The following KDM4B variants were observed in gnomAD, a reference collection of about 807,000 sequenced individuals.
The protein encoded by KDM4B is lysine-specific demethylase 4B.
A neutral mutation model predicts 125.2 loss-of-function variants in KDM4B; 32 were observed. The observed-to-expected ratio is 0.26, with a 90% CI of 0.19 to 0.34. The LOEUF is 0.34. Among genes scored for constraint, KDM4B ranks in the 10% least tolerant of loss-of-function variants. The pLI is 1.00. For synonymous variants in KDM4B, 721 were observed against 677.9 expected (o/e 1.06, Z -0.99); for missense variants, 1,190 against 1,577.7 (o/e 0.75, Z 4.16).
intron 1 of KDM4B, among the ~76,000 whole-genome samples, chr19:5,004,624 T>C (rs2035499692): frequency 1.3e-5 from 2 of 152,200 alleles, no homozygotes; most frequent in Admixed American, 1.3e-4. Context: ...CAGTTTCATG[T>C]AGTTGAGAAC....
intron 1 of KDM4B, among the ~76,000 whole-genome samples, chr19:4,973,032 C>A (rs2034315279): frequency 6.6e-6 from 1 of 152,178 alleles, no homozygotes; most frequent in Non-Finnish European, 1.5e-5. Flanking sequence ...AGGGGTGGCA[C>A]TTCCACACCC....
chr19:5,088,754 C>T (rs1337706129), intron 9 of KDM4B, among the ~76,000 whole-genome samples: 1 of 148,048 alleles, frequency 6.8e-6, no homozygotes, highest in Non-Finnish European at 1.5e-5. Flanking sequence ...AGGAGCAGGA[C>T]GCCCCTGCCA....
Position 4,997,369 on chromosome 19 carries a change from C to T in KDM4B, c.-108-18888C>T, listed in dbSNP as rs561023935. ...TTCCCCCGCCCTAGGAGTCCAGGAG[C>T]GTCGGCCCCTGGCTTCCACTGTGTC... On this transcript the variant is annotated intron_variant, in intron 1 of 22. Coordinates refer to ENST00000159111, the MANE Select transcript of KDM4B (RefSeq NM_015015.3). The surrounding 1 kb of genome is among the most constrained non-coding windows in gnomAD (Gnocchi z 4.2). Among the ~76,000 whole-genome samples the T allele has an allele frequency of 6.6e-5, 10 of 152,202 alleles. No individual in the cohort carries two copies. Among genetic ancestry groups the T allele is most frequent in the Admixed American group, 1.3e-4 (2 of 15,296 alleles).
At chr19:4,992,190 C>T (rs1380679552) in intron 1 of KDM4B, among the ~76,000 whole-genome samples, 1 of 152,054 alleles carries the variant, frequency 6.6e-6, no homozygotes, top group Admixed American at 6.6e-5. Context: ...CAAAATGTCA[C>T]GAAGACATTT....
rs554608339 is a variant in KDM4B, at chr19:5,141,501, C to G, written c.2551-2466C>G. 4 of 152,188 alleles carry G rather than the reference C, an allele frequency of 2.6e-5. No individual in the cohort carries two copies. Among genetic ancestry groups the G allele is most frequent in the African/African-American group, 9.7e-5 (4 of 41,446 alleles). The allele number at this position is 152,188 out of a possible 1,614,324, so 9.4% of individuals were successfully genotyped here. On this transcript the variant is annotated intron_variant, in intron 18 of 22. Transcript: ENST00000159111. The surrounding 1 kb of genome is among the most constrained non-coding windows in gnomAD (Gnocchi z 6.4). Reference sequence around the variant, plus strand: ...ACGATGAATTAAAAATCCTTTTACACGAGGCCCGCTTGTACTGCTTAATGG... The same window carrying G: ...ACGATGAATTAAAAATCCTTTTACAGGAGGCCCGCTTGTACTGCTTAATGG...
chr19:4,979,471 G>A (rs1832778645), intron 1 of KDM4B, among the ~76,000 whole-genome samples: 1 of 152,226 alleles, frequency 6.6e-6, no homozygotes, highest in Non-Finnish European at 1.5e-5. Flanking sequence ...TCTGAGAGGG[G>A]ATGGGGTCAG....
intron 2 of KDM4B, among the ~76,000 whole-genome samples, chr19:5,031,327 T>C (rs1253212452): frequency 6.6e-6 from 1 of 152,230 alleles, no homozygotes; most frequent in African/African-American, 2.4e-5. Context: ...CTGGTGACTG[T>C]GACAGGTGCC....
chr19:5,134,797 G>A (rs781102383), intron 14 of KDM4B, among the ~76,000 whole-genome samples: 10 of 152,140 alleles, frequency 6.6e-5, no homozygotes, highest in Non-Finnish European at 1.3e-4. Context: ...GTGCTGTGCC[G>A]AGGGTGGTGA....
Position 5,115,372 on chromosome 19 carries a change from C to T in KDM4B, c.1116-4281C>T, listed in dbSNP as rs562855784. 3.5e-4 allele frequency among the ~76,000 whole-genome samples: 53 copies of T among 152,264 alleles called. 1 individual carries two copies. The East Asian group carries it at 4.4e-3, about 13-fold the overall frequency. On this transcript the variant is annotated intron_variant, in intron 10 of 22. Coordinates refer to ENST00000159111, the MANE Select transcript of KDM4B (RefSeq NM_015015.3). This position sits in a 1 kb window ranked among gnomAD's most constrained non-coding sequence, Gnocchi z 4.2. Reference sequence around the variant, plus strand: ...GTCAGCAGTGGGGCCCAGCTGCCAGCCTCACATCCCCCCAACCCCCAAGGC... The same window carrying T: ...GTCAGCAGTGGGGCCCAGCTGCCAGTCTCACATCCCCCCAACCCCCAAGGC...
At chr19:5,057,853 G>A (rs1167530533) in intron 6 of KDM4B, among the ~76,000 whole-genome samples, 1 of 152,254 alleles carries the variant, frequency 6.6e-6, no homozygotes, top group Non-Finnish European at 1.5e-5. Context: ...ACCATATTAA[G>A]CCCTGCTTAG....
intron 9 of KDM4B, among the ~76,000 whole-genome samples, chr19:5,084,480 A>G (rs1167154781): frequency 2.9e-5 from 4 of 138,960 alleles, no homozygotes; most frequent in African/African-American, 8.0e-5. Context: ...ATAAATATAA[A>G]TTATATATGT....
chr19:5,120,485 C>T (rs544431313), intron 11 of KDM4B, among the ~76,000 whole-genome samples: 5 of 143,274 alleles, frequency 3.5e-5, no homozygotes, highest in South Asian at 2.3e-4. Flanking sequence ...CCCACTCTCC[C>T]GGGGCTGGCA....
intron 11 of KDM4B, among the ~76,000 whole-genome samples, chr19:5,124,770 A>G (rs1338130086): frequency 6.6e-6 from 1 of 151,734 alleles, no homozygotes; most frequent in Non-Finnish European, 1.5e-5. Context: ...TAATTTTTGT[A>G]TTTTTAGTAC....
Position 5,136,539 on chromosome 19 carries a change from G to C in KDM4B, c.2309-723G>C, listed in dbSNP as rs186660869. On this transcript the variant is annotated intron_variant, in intron 15 of 22. Transcript: ENST00000159111. ...TTTGCTGGGCCTGGGTTTGAGATGT[G>C]CCCCCGGGGCAGATGGGCTCCCTGG... 2.9e-3 allele frequency among the ~76,000 whole-genome samples: 442 copies of C among 152,220 alleles called. 1 individual carries two copies. The highest frequency in any genetic ancestry group is 6.8e-3 in the Middle Eastern group (2 of 294).
At chr19:5,098,363 C>T (rs192973827) in intron 9 of KDM4B, among the ~76,000 whole-genome samples, 15 of 152,264 alleles carry the variant, frequency 9.9e-5, no homozygotes, top group Admixed American at 4.6e-4. Context: ...GCTCAGAAGG[C>T]GTAATCTCAG....
At chr19:5,024,904 C>T (rs575739486) in intron 2 of KDM4B, among the ~76,000 whole-genome samples, 3 of 152,304 alleles carry the variant, frequency 2.0e-5, no homozygotes, top group East Asian at 3.9e-4. Context: ...GCTGAGATCG[C>T]GCCACTGCAC....
rs988482831 is a variant in KDM4B, at chr19:5,084,595, T to A, written c.918+2091T>A. ...ATATGTATTATATATAAATATAAAT[T>A]ATATAAATTATATATATAACATAAT... On this transcript the variant is annotated intron_variant, in intron 9 of 22. Transcript: ENST00000159111. Among the ~76,000 whole-genome samples, 4 of 143,262 alleles carry A rather than the reference T, an allele frequency of 2.8e-5. No homozygotes were observed. In the Admixed American group the frequency reaches 2.9e-4, roughly 10 times the overall value. The allele number at this position is 143,262 out of a possible 152,430, so 94.0% of individuals were successfully genotyped here.
chr19:5,051,795 C>T (rs990243669), intron 6 of KDM4B, among the ~76,000 whole-genome samples: 6 of 152,250 alleles, frequency 3.9e-5, no homozygotes, highest in Non-Finnish European at 7.3e-5. Context: ...TTGACCTGCC[C>T]ATGACCCGCG....
At chr19:5,116,794 T>C (rs2039264814) in intron 10 of KDM4B, among the ~76,000 whole-genome samples, 1 of 151,968 alleles carries the variant, frequency 6.6e-6, no homozygotes, top group Non-Finnish European at 1.5e-5. Flanking sequence ...TTATGGGGCA[T>C]AAAAGCGTAA....
Sources: gnomAD v4.1 joint callset for allele counts (sites outside exome capture counted in the v4.1 genomes callset) on GRCh38, gnomAD v4.1.1 for gene constraint, Gnocchi (gnomAD v3.1) non-coding constraint, MANE v1.5 for transcripts, NCBI Gene and HGNC (gene_info 2026-07-23, HGNC 2026-07-21) for gene names.